The following TUBGCP2 variants were observed in gnomAD, a reference collection of about 807,000 sequenced individuals.
The protein encoded by TUBGCP2 is gamma-tubulin complex component 2.
Under a neutral mutation model 92.2 loss-of-function variants are expected in TUBGCP2, and 55 were observed. The ratio of observed to expected loss-of-function variants is 0.60; its 90% CI spans 0.48 to 0.75. The LOEUF (loss-of-function observed/expected upper bound fraction) is 0.75. Ranked by LOEUF, TUBGCP2 falls within the 30% of genes least tolerant of loss-of-function variation. TUBGCP2 has a pLI of 0.00. For synonymous variants in TUBGCP2, 533 were observed against 505.2 expected (o/e 1.06, Z -0.74); for missense variants, 1,093 against 1,188.9 (o/e 0.92, Z 1.19).
intron 3 of TUBGCP2, 71 bp downstream of exon 3, chr10:133,299,914 A>G (rs1235871704): frequency 6.3e-7 from 1 of 1,580,158 alleles, no homozygotes; most frequent in African/African-American, 1.4e-5. Context: ...GCGTGGAGTG[A>G]GCAGGAGACG....
chr10:133,310,352 C>T (rs985070029), upstream of TUBGCP2: 19 of 1,600,078 alleles, frequency 1.2e-5, no homozygotes, highest in South Asian at 4.4e-5. Flanking sequence ...TCCAACTAGC[C>T]GGAATGCATA....
At chr10:133,305,644 C>T (rs980173632) in intron 1 of TUBGCP2, among the ~76,000 whole-genome samples, 2 of 152,146 alleles carry the variant, frequency 1.3e-5, no homozygotes, top group Non-Finnish European at 2.9e-5. Flanking sequence ...TATGCTAATT[C>T]ACTAACGATT....
At position 133,288,215 on chromosome 10, in the gene TUBGCP2, T is replaced by C; in HGVS notation, c.1636A>G (p.Ile546Val). 6.2e-7 allele frequency: 1 copy of C among 1,613,894 alleles called. No individual in the cohort carries two copies. Among genetic ancestry groups the C allele is most frequent in the Non-Finnish European group, 8.5e-7 (1 of 1,179,954 alleles). Residue 546 changes from isoleucine (I) to valine (V), a missense_variant, in exon 11 of 18, where the codon ATC (isoleucine) becomes GTC (valine). Ile to Val is a conservative substitution (Grantham distance 29, BLOSUM62 3). This residue lies in a region of TUBGCP2 where 598 missense variants were observed against 675.5 expected (regional missense o/e 0.89). Coordinates refer to ENST00000252936, the MANE Select transcript of TUBGCP2 (RefSeq NM_006659.4). ...EEELRKPVEDITPPRLEALLE... is the reference protein window; with the variant it reads ...EEELRKPVEDVTPPRLEALLE... The stretch of plus-strand genomic sequence containing the variant: ...AGCGCTTCCAGGCGAGGGGGCGTGA[T>C]GTCCTCCACCGGCTTCCGGAGCTCC...
upstream of TUBGCP2, among the ~76,000 whole-genome samples, chr10:133,311,288 GTGTAAAGTAAT>G (rs1190469314): frequency 6.6e-6 from 1 of 152,120 alleles, no homozygotes; most frequent in Non-Finnish European, 1.5e-5. Flanking sequence ...AAAGACTTAC[GTGTAAAGTAAT>G]TGTCTCCTTT....
intron 5 of TUBGCP2, 49 bp downstream of exon 5, chr10:133,297,903 A>G: frequency 6.3e-7 from 1 of 1,594,776 alleles, no homozygotes; most frequent in Non-Finnish European, 8.6e-7. Context: ...CCGGAAATCA[A>G]CGCATCACGT....
At position 133,283,031 on chromosome 10, in the gene TUBGCP2, G is replaced by A; in HGVS notation, c.2289+47C>T. 3.1e-6 allele frequency: 5 copies of A among 1,608,884 alleles called. No homozygotes were observed. The South Asian group carries it at 5.5e-5, about 18-fold the overall frequency. On this transcript the variant is annotated intron_variant, in intron 15 of 17. Coordinates refer to ENST00000252936, the MANE Select transcript of TUBGCP2 (RefSeq NM_006659.4). ...TGCGGCCACGGTCGGGACATGGTCT[G>A]CCCACCCGCGCCTGCCCACCCGATG...
chr10:133,307,635 C>T (rs901762527), intron 1 of TUBGCP2, among the ~76,000 whole-genome samples: 20 of 152,334 alleles, frequency 1.3e-4, no homozygotes, highest in East Asian at 7.7e-4. Context: ...ATCCCAGCTA[C>T]TTGGGAAGCT....
upstream of TUBGCP2, among the ~76,000 whole-genome samples, chr10:133,310,800 A>T (rs1847974295): frequency 6.6e-6 from 1 of 151,886 alleles, no homozygotes; most frequent in African/African-American, 2.4e-5. Flanking sequence ...TACTTCCAGG[A>T]ACAATCTTTT....
intron 3 of TUBGCP2, 38 bp downstream of exon 3, chr10:133,299,947 C>T (rs1158258579): frequency 6.2e-7 from 1 of 1,605,816 alleles, no homozygotes; most frequent in Non-Finnish European, 8.5e-7. Context: ...CAACATGGGC[C>T]GTACGGGCGC....
upstream of TUBGCP2, chr10:133,312,056 C>G (rs1479830224): frequency 1.4e-6 from 2 of 1,478,936 alleles, no homozygotes; most frequent in African/African-American, 2.8e-5. Flanking sequence ...GCCATTGAAG[C>G]GCAGGAATGC....
chr10:133,310,640 G>A (rs1293097681), upstream of TUBGCP2: 3 of 315,254 alleles, frequency 9.5e-6, no homozygotes, highest in Non-Finnish European at 1.8e-5. Context: ...CACACCCCTC[G>A]GGGCCGTGTC....
chr10:133,288,147 G>C lies in TUBGCP2; in HGVS notation c.1704C>G (p.Pro568=). 1 of 1,612,894 alleles carries C rather than the reference G, an allele frequency of 6.2e-7. No homozygotes were observed. Among genetic ancestry groups the C allele is most frequent in the South Asian group, 1.1e-5 (1 of 91,058 alleles). ...ALRMSTANTD[P]FKDDLKIDLM... is the part of the protein sequence containing the mutation. ...CACCCACCTTGAGGTCGTCCTTGAAGGGGTCAGTGTTGGCCGTGCTCATGC... is the reference window on the plus strand; with the variant it reads ...CACCCACCTTGAGGTCGTCCTTGAACGGGTCAGTGTTGGCCGTGCTCATGC... Residue 568 remains proline (P), a synonymous_variant, in exon 11 of 18, where the codon CCC becomes CCG. Transcript: ENST00000252936.
In TUBGCP2 at chr10:133,288,202, C is replaced by A; in HGVS notation, c.1649G>T (p.Arg550Leu). ...RKPVEDITPP[R>L]LEALLELALR... ...CGCCAGCTCCAGGAGCGCTTCCAGG[C>A]GAGGGGGCGTGATGTCCTCCACCGG... Residue 550 changes from arginine (R) to leucine (L), a missense_variant, in exon 11 of 18, where the codon CGC becomes CTC. Transcript: ENST00000252936. The A allele has an allele frequency of 1.9e-6, 3 of 1,613,892 alleles. No homozygotes were observed. Among genetic ancestry groups the A allele is most frequent in the Non-Finnish European group, 2.5e-6 (3 of 1,179,952 alleles).
rs754691578 is a variant in TUBGCP2 at position 133,285,044 on chromosome 10, G to A, written c.2024+41C>T. The A allele has an allele frequency of 1.0e-5, 16 of 1,565,782 alleles. No homozygotes were observed. The highest frequency in any genetic ancestry group is 8.1e-5 in the African/African-American group (6 of 74,238). Reference sequence around the variant, plus strand: ...CACCACTGGGCAGAGTGCAGCGAGCGCTGCTTCAGGAGGGCATGCGGGGGC... The same window carrying A: ...CACCACTGGGCAGAGTGCAGCGAGCACTGCTTCAGGAGGGCATGCGGGGGC... On this transcript the variant is annotated intron_variant, in intron 13 of 17. Coordinates refer to ENST00000252936, the MANE Select transcript of TUBGCP2 (RefSeq NM_006659.4). This position sits in a 1 kb window ranked among gnomAD's most constrained non-coding sequence, Gnocchi z 6.8.
At chr10:133,283,711 C>T (rs1305920935) in intron 14 of TUBGCP2, among the ~76,000 whole-genome samples, 171 bp downstream of exon 14, 2 of 87,312 alleles carry the variant, frequency 2.3e-5, no homozygotes, top group African/African-American at 6.5e-5. Context: ...CTCCCGCACG[C>T]CCTGCCTCTC....
intron 14 of TUBGCP2, among the ~76,000 whole-genome samples, 199 bp from the exon 15 acceptor site, chr10:133,283,420 A>T (rs1847039960): frequency 7.2e-6 from 1 of 138,714 alleles, no homozygotes; most frequent in Admixed American, 6.8e-5. Flanking sequence ...TTCATTTCTT[A>T]AGGCAGAAGA....
At chr10:133,308,036 A>G (rs1024987946) in intron 1 of TUBGCP2, among the ~76,000 whole-genome samples, 2 of 152,108 alleles carry the variant, frequency 1.3e-5, no homozygotes, top group African/African-American at 4.8e-5. Context: ...ACTTGAGCCC[A>G]AGAATTTGAG....
rs546406171 is a variant in TUBGCP2, at chr10:133,298,242, C to A, written c.457-131G>T. On this transcript the variant is annotated intron_variant, in intron 4 of 17. Transcript: ENST00000252936. ...CAATTCAACACCCACAAAGGGTCAA[C>A]CACATAGAAATGAAATGCGCCTCGA... 3.9e-6 allele frequency: 4 copies of A among 1,015,676 alleles called. No homozygotes were observed. In the African/African-American group the frequency reaches 4.9e-5, roughly 12 times the overall value. The allele number at this position is 1,015,676 out of a possible 1,614,324, so 62.9% of individuals were successfully genotyped here.
In TUBGCP2 at chr10:133,285,632, G is replaced by A; in HGVS notation, c.1723-4C>T. On this transcript the variant is annotated splice_polypyrimidine_tract_variant and splice_region_variant and intron_variant, in intron 11 of 17. Coordinates refer to ENST00000252936, the MANE Select transcript of TUBGCP2 (RefSeq NM_006659.4). The surrounding 1 kb of genome is among the most constrained non-coding windows in gnomAD (Gnocchi z 6.8). ...GGTCATGGGGCATCAGGTCGATCTT[G>A]GAGGGAAGGAAATGAAACAAAGCAT... The A allele has an allele frequency of 2.0e-6, 3 of 1,504,310 alleles. No individual in the cohort carries two copies. Among genetic ancestry groups the A allele is most frequent in the Non-Finnish European group, 2.7e-6 (3 of 1,126,612 alleles). 93.2% of individuals were successfully genotyped at this position (1,504,310 alleles called of 1,614,324 possible).
Sources: gnomAD v4.1 joint callset for allele counts (sites outside exome capture counted in the v4.1 genomes callset) on GRCh38, gnomAD v4.1.1 for gene constraint, gnomAD v4.1.1 regional missense constraint, Gnocchi (gnomAD v3.1) non-coding constraint, MANE v1.5 for transcripts, NCBI Gene and HGNC (gene_info 2026-07-23, HGNC 2026-07-21) for gene names.